The following CELF4 variants were observed in gnomAD, a reference collection of about 807,000 sequenced individuals.
CELF4 encodes CUGBP Elav-like family member 4.
CELF4 carries 18 observed loss-of-function variants against 59.9 expected under a neutral mutation model. That is an observed-to-expected ratio of 0.30 (90% CI 0.21 to 0.45). The LOEUF is 0.45. Among genes scored for constraint, CELF4 ranks in the 20% least tolerant of loss-of-function variants. The pLI, the probability that CELF4 is intolerant of heterozygous loss-of-function variation, is 1.00. For synonymous variants in CELF4, 261 were observed against 267.1 expected (o/e 0.98, Z 0.22); for missense variants, 456 against 689.0 (o/e 0.66, Z 3.79).
chr18:37,485,912 T>G, intron 1 of CELF4: 1 of 222,142 alleles, frequency 4.5e-6, no homozygotes, highest in Non-Finnish European at 8.3e-6. Flanking sequence ...CCCTGGTGCC[T>G]CAGACCTCTC....
chr18:37,436,357 C>T (rs573894980), intron 2 of CELF4, among the ~76,000 whole-genome samples: 2 of 152,192 alleles, frequency 1.3e-5, no homozygotes, highest in South Asian at 2.1e-4. Flanking sequence ...GCTTCCTGCC[C>T]GGGGTGCTGT....
chr18:37,446,066 TC>T (rs57975485), intron 2 of CELF4, among the ~76,000 whole-genome samples: 1,746 of 152,230 alleles, frequency 0.011, 32 homozygotes, highest in African/African-American at 0.04. Flanking sequence ...GTTAGCGCCA[TC>T]CTCCCCTCAT....
At chr18:37,303,029 T>G (rs2096169745) in intron 3 of CELF4, among the ~76,000 whole-genome samples, 1 of 152,056 alleles carries the variant, frequency 6.6e-6, no homozygotes, top group Non-Finnish European at 1.5e-5. Flanking sequence ...AGCAGGGAAC[T>G]GAACACTGTA....
intron 2 of CELF4, among the ~76,000 whole-genome samples, chr18:37,390,565 T>C (rs2099148187): frequency 6.6e-6 from 1 of 151,868 alleles, no homozygotes; most frequent in African/African-American, 2.4e-5. Context: ...GCACCTGTCA[T>C]GTGCTAGGGT....
Position 37,356,082 on chromosome 18 carries a change from C to T in CELF4, c.370-34201G>A, listed in dbSNP as rs532401854. On this transcript the variant is annotated intron_variant, in intron 2 of 12. Transcript: ENST00000420428. ...AATGGTAGTATGGGTGCACTGAGGC[C>T]GTTTATTTTCTGATTCAGGTGACAG... Among the ~76,000 whole-genome samples, 60 of 152,232 alleles carry T rather than the reference C, an allele frequency of 3.9e-4. 1 individual carries two copies. The highest frequency in any genetic ancestry group is 2.6e-3 in the Admixed American group (40 of 15,274).
intron 2 of CELF4, among the ~76,000 whole-genome samples, chr18:37,478,238 T>C (rs963629184): frequency 6.6e-6 from 1 of 152,172 alleles, no homozygotes; most frequent in Admixed American, 6.5e-5. Flanking sequence ...ACAGTCTAGA[T>C]GGTGTGTCCA....
At chr18:37,538,109 C>G (rs921601076) in intron 1 of CELF4, among the ~76,000 whole-genome samples, 1 of 152,236 alleles carries the variant, frequency 6.6e-6, no homozygotes, top group African/African-American at 2.4e-5. Context: ...ATCGGGCGGA[C>G]CTTCCGGGAG....
intron 3 of CELF4, among the ~76,000 whole-genome samples, chr18:37,316,616 C>T (rs2154511655): frequency 6.6e-6 from 1 of 152,212 alleles, no homozygotes; most frequent in South Asian, 2.1e-4. Flanking sequence ...TTTGTGTCCT[C>T]ACTGTATCCC....
chr18:37,546,755 G>T (rs2099981534), intron 1 of CELF4, among the ~76,000 whole-genome samples: 1 of 152,158 alleles, frequency 6.6e-6, no homozygotes, highest in African/African-American at 2.4e-5. Flanking sequence ...CAAAACCCAT[G>T]TCTACAACAT....
chr18:37,430,708 T>A (rs1384723852), intron 2 of CELF4, among the ~76,000 whole-genome samples: 1 of 152,220 alleles, frequency 6.6e-6, no homozygotes, highest in Non-Finnish European at 1.5e-5. Context: ...TAAGTTGCTG[T>A]CAGATGCCTC....
intron 2 of CELF4, among the ~76,000 whole-genome samples, chr18:37,326,054 C>G (rs553628403): frequency 1.3e-5 from 2 of 152,234 alleles, no homozygotes; most frequent in Non-Finnish European, 2.9e-5. Flanking sequence ...GCCAGCCTCA[C>G]TCAGCCCTGA....
intron 3 of CELF4, among the ~76,000 whole-genome samples, chr18:37,287,989 A>G (rs1192841851): frequency 6.6e-6 from 1 of 152,194 alleles, no homozygotes; most frequent in Non-Finnish European, 1.5e-5. Context: ...AGGTCAGAAA[A>G]TCAGTCACAA....
intron 2 of CELF4, among the ~76,000 whole-genome samples, chr18:37,389,480 T>A (rs1263550584): frequency 6.6e-6 from 1 of 152,360 alleles, no homozygotes; most frequent in East Asian, 1.9e-4. Context: ...CATCACCATC[T>A]GATCTTCAGG....
Position 37,253,870 on chromosome 18 carries a change from C to A in CELF4, c.1402G>T (p.Gly468Cys). The A allele has an allele frequency of 6.2e-7, 1 of 1,609,014 alleles. No homozygotes were observed. Among genetic ancestry groups the A allele is most frequent in the Non-Finnish European group, 8.5e-7 (1 of 1,177,922 alleles). Residue 468 changes from glycine (G) to cysteine (C), a missense_variant, in exon 12 of 13, where the codon GGC (glycine) becomes TGC (cysteine). Transcript: ENST00000420428. The surrounding 1 kb of genome is among the most constrained non-coding windows in gnomAD (Gnocchi z 4.5). The stretch of plus-strand genomic sequence containing the variant: ...AGCTGCACCTTGAGCCTCTTCATGC[C>A]GATCTGGAAGCCGTTCATGGCCTGG... ...AIQAMNGFQI[G>C]MKRLKVQLKR...
At position 37,338,928 on chromosome 18, in the gene CELF4, C is replaced by T. The variant is rs1258978729; in HGVS notation, c.370-17047G>A. On this transcript the variant is annotated intron_variant, in intron 2 of 12. Coordinates refer to ENST00000420428, the MANE Select transcript of CELF4 (RefSeq NM_020180.4). The stretch of plus-strand genomic sequence containing the variant: ...TCCACCTTTCTCTCTGGACAATGCC[C>T]TGAACCCCCACTGCCCCAAGGAAGA... Among the ~76,000 whole-genome samples the T allele has an allele frequency of 2.6e-5, 4 of 152,124 alleles. No individual in the cohort carries two copies. The East Asian group carries it at 7.7e-4, about 29-fold the overall frequency.
chr18:37,318,433 T>C (rs28634318), intron 3 of CELF4, among the ~76,000 whole-genome samples: 66,867 of 151,532 alleles, frequency 0.44, 15,129 homozygotes, highest in South Asian at 0.67. Flanking sequence ...ATTTCTTTAA[T>C]CTTCTAAAAT....
chr18:37,265,510 T>G (rs2077105548), intron 9 of CELF4, among the ~76,000 whole-genome samples: 1 of 152,090 alleles, frequency 6.6e-6, no homozygotes, highest in South Asian at 2.1e-4. Context: ...ACGGCACCTG[T>G]GTGGGAGGTG....
intron 2 of CELF4, among the ~76,000 whole-genome samples, chr18:37,443,134 A>G (rs8085100): frequency 0.32 from 48,072 of 152,024 alleles, 8,123 homozygotes; most frequent in South Asian, 0.43. Context: ...GGGATTGGGA[A>G]GGGGACGTGT....
chr18:37,365,270 C>A (rs769962693), intron 2 of CELF4, among the ~76,000 whole-genome samples: 1 of 152,064 alleles, frequency 6.6e-6, no homozygotes, highest in African/African-American at 2.4e-5. Context: ...GTCTCAAGCA[C>A]CCTCAAAGTT....
Sources: allele counts gnomAD v4.1 joint callset (sites outside exome capture counted in the v4.1 genomes callset), GRCh38; gene constraint gnomAD v4.1.1; non-coding constraint Gnocchi (gnomAD v3.1); transcripts MANE v1.5; gene names NCBI Gene and HGNC (gene_info 2026-07-23, HGNC 2026-07-21).